Variants in GPC3 observed in about 807,000 individuals in gnomAD.
The protein encoded by GPC3 is glypican 3.
GPC3 carries 3 observed loss-of-function variants against 34.4 expected under a neutral mutation model. The observed-to-expected ratio is 0.09, with a 90% CI of 0.04 to 0.23. GPC3 has a LOEUF of 0.23. Among genes scored for constraint, GPC3 ranks in the 10% least tolerant of loss-of-function variants. The pLI is 1.00. For missense variants in GPC3, 351 were observed against 445.6 expected, an observed-to-expected ratio of 0.79 and a Z score of 1.91; for synonymous variants, 177 against 174.0, an observed-to-expected ratio of 1.02 and a Z score of -0.13.
intron 2 of GPC3, among the ~76,000 whole-genome samples, chrX:133,785,415 G>A (rs980958521): frequency 3.6e-5 from 4 of 111,393 alleles, no homozygotes; most frequent in East Asian, 2.8e-4. Flanking sequence ...TCAGTTTCTC[G>A]CCTGTAAAAG....
intron 2 of GPC3, among the ~76,000 whole-genome samples, chrX:133,945,794 T>C (rs1225625379): frequency 9.0e-6 from 1 of 111,363 alleles, no homozygotes; most frequent in Admixed American, 9.5e-5. Flanking sequence ...AAAGTTATTT[T>C]TCTGTTAAAC....
At chrX:133,768,108 G>A (rs897470273) in intron 2 of GPC3, among the ~76,000 whole-genome samples, 2 of 110,258 alleles carry the variant, frequency 1.8e-5, no homozygotes, top group Non-Finnish European at 3.8e-5. Flanking sequence ...CAAGGCCATC[G>A]AGGCACTAAA....
chrX:133,893,765 C>A (rs1458178609), intron 2 of GPC3, among the ~76,000 whole-genome samples: 2 of 111,870 alleles, frequency 1.8e-5, no homozygotes, highest in African/African-American at 6.5e-5. Context: ...GAAGTCCCTG[C>A]CTACTCACCC....
intron 2 of GPC3, among the ~76,000 whole-genome samples, chrX:133,947,387 C>A (rs1345247648): frequency 1.8e-5 from 2 of 111,514 alleles, no homozygotes; most frequent in East Asian, 5.7e-4. Context: ...TGGTTGGCCC[C>A]AGAATGGTCT....
At position 133,686,782 on chromosome X, in the gene GPC3, C is replaced by T. The variant is rs929974255; in HGVS notation, c.1292+5587G>A. ...AATTTTACCTCAACACACACACACA[C>T]ACACACACACACACACACACACTTG... On this transcript the variant is annotated intron_variant, in intron 5 of 7. Transcript: ENST00000370818. 2.7e-5 allele frequency among the ~76,000 whole-genome samples: 3 copies of T among 110,062 alleles called. No individual in the cohort carries two copies. The Admixed American group carries it at 2.9e-4, about 11-fold the overall frequency.
At chrX:133,901,061 T>C (rs1236684028) in intron 2 of GPC3, among the ~76,000 whole-genome samples, 1 of 112,231 alleles carries the variant, frequency 8.9e-6, no homozygotes, top group Non-Finnish European at 1.9e-5. Flanking sequence ...GCAGATATAA[T>C]AAAAATAATG....
intron 6 of GPC3, among the ~76,000 whole-genome samples, chrX:133,629,347 G>T (rs2070341525): frequency 9.0e-6 from 1 of 111,543 alleles, no homozygotes; most frequent in African/African-American, 3.3e-5. Flanking sequence ...TGGACTACAT[G>T]AGCTCTAAGT....
chrX:133,691,546 C>T (rs1165595616), intron 5 of GPC3, among the ~76,000 whole-genome samples: 1 of 110,422 alleles, frequency 9.1e-6, no homozygotes, highest in Non-Finnish European at 1.9e-5. Flanking sequence ...AAACAAAACC[C>T]ACAAATGCTC....
intron 2 of GPC3, among the ~76,000 whole-genome samples, chrX:133,871,085 C>T (rs187409474): frequency 1.9e-4 from 21 of 111,758 alleles, no homozygotes; most frequent in Non-Finnish European, 1.9e-5. Context: ...CAATCTCTCT[C>T]CAGAGCTGTA....
At chrX:133,713,183 T>C (rs2124448564) in intron 3 of GPC3, among the ~76,000 whole-genome samples, 1 of 112,142 alleles carries the variant, frequency 8.9e-6, no homozygotes, top group African/African-American at 3.2e-5. Flanking sequence ...GTGAAAGCTT[T>C]GGGAAAAAAA....
chrX:133,827,687 G>A (rs2075754542), intron 2 of GPC3, among the ~76,000 whole-genome samples: 1 of 110,677 alleles, frequency 9.0e-6, no homozygotes, highest in African/African-American at 3.3e-5. Flanking sequence ...GGAGGCTGAG[G>A]CAGGAGAATT....
chrX:133,913,396 G>T (rs1435492293), intron 2 of GPC3, among the ~76,000 whole-genome samples: 1 of 112,745 alleles, frequency 8.9e-6, no homozygotes, highest in African/African-American at 3.2e-5. Context: ...TAACCTGCAA[G>T]GGCAAAATTT....
chrX:133,618,718 AAT>A (rs1385252157), intron 6 of GPC3, among the ~76,000 whole-genome samples: 1 of 109,450 alleles, frequency 9.1e-6, no homozygotes, highest in African/African-American at 3.3e-5. Flanking sequence ...AAAAAAAAAA[AAT>A]AGACCAAAGG....
intron 5 of GPC3, among the ~76,000 whole-genome samples, chrX:133,664,810 C>CAA (rs1289642836): frequency 0.039 from 2,697 of 68,660 alleles, 120 homozygotes; most frequent in African/African-American, 0.12. Context: ...CCGAACCACT[C>CAA]AAAAAAAAAA....
At position 133,579,593 on chromosome X, in the gene GPC3, G is replaced by A. The variant is rs113533210; in HGVS notation, c.1573+16847C>T. On this transcript the variant is annotated intron_variant, in intron 7 of 7. Coordinates refer to ENST00000370818, the MANE Select transcript of GPC3 (RefSeq NM_004484.4). ...CTCACCCTGTTGTCCAGGCTGGCTG[G>A]AGTGCAGTGGCACAATCATAGCTCA... Among the ~76,000 whole-genome samples the A allele has an allele frequency of 1.8e-3, 200 of 111,605 alleles. 1 individual carries two copies. Among genetic ancestry groups the A allele is most frequent in the African/African-American group, 6.3e-3 (192 of 30,708 alleles).
chrX:133,582,720 A>G (rs2069744282), intron 7 of GPC3, among the ~76,000 whole-genome samples: 1 of 111,785 alleles, frequency 8.9e-6, no homozygotes, highest in South Asian at 3.8e-4. Context: ...AATGAAACAA[A>G]CAAACAAACA....
chrX:133,676,913 C>T (rs1303809261), intron 5 of GPC3, among the ~76,000 whole-genome samples: 1 of 110,660 alleles, frequency 9.0e-6, no homozygotes, highest in Non-Finnish European at 1.9e-5. Flanking sequence ...TTCCTTTGCT[C>T]TTAACCTGCC....
At chrX:133,902,201 C>T (rs2076147198) in intron 2 of GPC3, among the ~76,000 whole-genome samples, 1 of 112,549 alleles carries the variant, frequency 8.9e-6, no homozygotes, top group Non-Finnish European at 1.9e-5. Context: ...ATAAGCTTTT[C>T]TGAAAAAGAA....
intron 7 of GPC3, among the ~76,000 whole-genome samples, chrX:133,568,945 T>C (rs2124298745): frequency 9.0e-6 from 1 of 111,165 alleles, no homozygotes; most frequent in South Asian, 3.9e-4. Flanking sequence ...GGCAGGTGGA[T>C]TGCTTGAGCC....
Sources: allele counts gnomAD v4.1 joint callset (sites outside exome capture counted in the v4.1 genomes callset), GRCh38; gene constraint gnomAD v4.1.1; transcripts MANE v1.5; gene names NCBI Gene and HGNC (gene_info 2026-07-23, HGNC 2026-07-21).